The following WNT16 variants were observed in gnomAD, a reference collection of about 807,000 sequenced individuals.
WNT16 encodes the protein Wnt family member 16.
A neutral mutation model predicts 35.4 loss-of-function variants in WNT16; 20 were observed. That is an observed-to-expected ratio of 0.56 (90% CI 0.40 to 0.82). The LOEUF (loss-of-function observed/expected upper bound fraction) is 0.82, where lower values mean the gene tolerates loss of function less well. WNT16 is among the 40% of genes least tolerant of loss of function. WNT16 has a pLI of 0.00. For synonymous variants in WNT16, 180 were observed against 179.2 expected (o/e 1.00, Z -0.03); for missense variants, 461 against 466.0 (o/e 0.99, Z 0.10).
chr7:121,329,438 C>G (rs781634084), intron 1 of WNT16, 51 bp downstream of exon 1: 10 of 1,595,730 alleles, frequency 6.3e-6, no homozygotes, highest in Non-Finnish European at 8.6e-6. Flanking sequence ...AAAGGGGTGC[C>G]CAATCCTAGG....
In WNT16 at chr7:121,330,282, A is replaced by T. The variant is rs552804428; in HGVS notation, c.346+465A>T. ...CGAAGCCCCACCTTTATTGGCTCCT[A>T]GGAGCACCGAGTTGACAGAATAATG... is the stretch of plus-strand genomic sequence containing the variant. On this transcript the variant is annotated intron_variant, in intron 2 of 3. Transcript: ENST00000222462. Among the ~76,000 whole-genome samples, 7 of 152,304 alleles carry T rather than the reference A, an allele frequency of 4.6e-5. No individual in the cohort carries two copies. The East Asian group carries it at 1.3e-3, about 29-fold the overall frequency.
At chr7:121,337,792 G>T (rs1793465473) in intron 3 of WNT16, among the ~76,000 whole-genome samples, 1 of 152,130 alleles carries the variant, frequency 6.6e-6, no homozygotes, top group Admixed American at 6.5e-5. Context: ...CTTTTATTTA[G>T]ACCTTAGTGT....
Position 121,329,170 on chromosome 7 carries a change from T to C in WNT16, c.-123T>C, listed in dbSNP as rs1370969023. The C allele has an allele frequency of 1.4e-6, 2 of 1,427,366 alleles. No homozygotes were observed. The highest frequency in any genetic ancestry group is 1.8e-6 in the Non-Finnish European group (2 of 1,094,296). The allele number at this position is 1,427,366 out of a possible 1,614,324, so 88.4% of individuals were successfully genotyped here. ...TATCACTGCTGGCCTTTTAATGTTG[T>C]ATGCAAGGAGGAAGAGGGCGAGGGA... is the stretch of plus-strand genomic sequence containing the variant. On this transcript the variant is annotated 5_prime_UTR_variant, in exon 1 of 4. Coordinates refer to ENST00000222462, the MANE Select transcript of WNT16 (RefSeq NM_057168.2).
At chr7:121,336,465 A>T (rs138464256) in intron 3 of WNT16, among the ~76,000 whole-genome samples, 1 of 152,318 alleles carries the variant, frequency 6.6e-6, no homozygotes, top group Admixed American at 6.5e-5. Context: ...TATAATTTCA[A>T]TACAAATTCA....
At chr7:121,330,741 CAGAA>C (rs1464504781) in intron 2 of WNT16, among the ~76,000 whole-genome samples, 46 of 135,318 alleles carry the variant, frequency 3.4e-4, no homozygotes, top group African/African-American at 1.2e-3. Flanking sequence ...AAAAAAGAGA[CAGAA>C]AGAAAAAAAA....
intron 3 of WNT16, among the ~76,000 whole-genome samples, chr7:121,336,574 C>T (rs973016456): frequency 1.4e-4 from 21 of 152,204 alleles, no homozygotes; most frequent in African/African-American, 4.8e-4. Flanking sequence ...GTGGACGGGG[C>T]TAAAACTGAG....
Position 121,329,189 on chromosome 7 carries a change from C to A in WNT16, c.-104C>A. ...ATGTTGTATGCAAGGAGGAAGAGGG[C>A]GAGGGATAACTTGGTGCTGGACAAC... On this transcript the variant is annotated 5_prime_UTR_variant, in exon 1 of 4. Transcript: ENST00000222462. The A allele has an allele frequency of 3.5e-6, 5 of 1,437,432 alleles. No homozygotes were observed. Among genetic ancestry groups the A allele is most frequent in the Non-Finnish European group, 3.6e-6 (4 of 1,098,976 alleles). The allele number at this position is 1,437,432 out of a possible 1,614,324, so 89.0% of individuals were successfully genotyped here. A position where few individuals can be genotyped will look rare whatever the true frequency, so the allele number is the denominator to read the frequency against.
chr7:121,327,619 G>C (rs958053821), upstream of WNT16, among the ~76,000 whole-genome samples: 1 of 152,030 alleles, frequency 6.6e-6, no homozygotes, highest in Non-Finnish European at 1.5e-5. Context: ...AAAAGTGCTG[G>C]GATTACAGGT....
At chr7:121,333,905 A>G (rs1455484042) in intron 3 of WNT16, among the ~76,000 whole-genome samples, 2 of 151,942 alleles carry the variant, frequency 1.3e-5, no homozygotes, top group African/African-American at 4.8e-5. Flanking sequence ...AAAGCATTCT[A>G]AAATATATTT....
chr7:121,335,083 T>C (rs1273657653), intron 3 of WNT16, among the ~76,000 whole-genome samples: 1 of 152,114 alleles, frequency 6.6e-6, no homozygotes, highest in Non-Finnish European at 1.5e-5. Flanking sequence ...ACAGGAATCC[T>C]ACATACACCC....
At chr7:121,338,012 A>G (rs560950478) in intron 3 of WNT16, among the ~76,000 whole-genome samples, 9 of 152,306 alleles carry the variant, frequency 5.9e-5, no homozygotes, top group African/African-American at 1.9e-4. Context: ...GGGGGGAGCC[A>G]CCATACTGTA....
At chr7:121,330,165 T>C (rs1365853270) in intron 2 of WNT16, among the ~76,000 whole-genome samples, 1 of 152,196 alleles carries the variant, frequency 6.6e-6, no homozygotes, top group Non-Finnish European at 1.5e-5. Context: ...TGGAGAAACA[T>C]GATGTCGGCA....
In WNT16 at chr7:121,329,525, A is replaced by G. The variant is rs754530125; in HGVS notation, c.96-42A>G. The G allele has an allele frequency of 3.1e-6, 5 of 1,607,512 alleles. No individual in the cohort carries two copies. The African/African-American group carries it at 5.4e-5, about 17-fold the overall frequency. On this transcript the variant is annotated intron_variant, in intron 1 of 3. Coordinates refer to ENST00000222462, the MANE Select transcript of WNT16 (RefSeq NM_057168.2). ...CCTAATTTTTCGGAAAACATCTGGA[A>G]TTGGGGAGCGGCTTAACGCTACGGG...
At chr7:121,329,895 TA>T in intron 2 of WNT16, 78 bp downstream of exon 2, 1 of 1,547,736 alleles carries the variant, frequency 6.5e-7, no homozygotes. Context: ...ATAAAGTAAA[TA>T]GTGCTACGTG....
chr7:121,328,373 T>C (rs1360345367), upstream of WNT16, among the ~76,000 whole-genome samples: 3 of 152,008 alleles, frequency 2.0e-5, 1 homozygote, highest in South Asian at 4.2e-4. Context: ...ATAAGACAAA[T>C]AGGGAAAAGG....
chr7:121,327,411 C>T (rs560032527), upstream of WNT16, among the ~76,000 whole-genome samples: 107 of 135,252 alleles, frequency 7.9e-4, no homozygotes, highest in African/African-American at 1.9e-3. Flanking sequence ...AGTGCAGTGG[C>T]GCTATCTCAA....
intron 3 of WNT16, among the ~76,000 whole-genome samples, chr7:121,336,960 T>C (rs868269738): frequency 6.6e-6 from 1 of 152,234 alleles, no homozygotes; most frequent in Non-Finnish European, 1.5e-5. Flanking sequence ...TGGACAGTTA[T>C]GTTTTGTTAT....
chr7:121,333,423 G>A (rs1793385995), intron 3 of WNT16, among the ~76,000 whole-genome samples: 1 of 151,790 alleles, frequency 6.6e-6, no homozygotes, highest in South Asian at 2.1e-4. Context: ...TAGAAAGTAG[G>A]AATGTCAGTA....
Position 121,331,571 on chromosome 7 carries a change from G to T in WNT16, c.347-107G>T, listed in dbSNP as rs1222948784. The stretch of plus-strand genomic sequence containing the variant: ...GTACTCGTTAACGCATCCATTGTAA[G>T]CAACTGAAAAATTACTTGTCCAGTA... On this transcript the variant is annotated intron_variant, in intron 2 of 3. Transcript: ENST00000222462. 13 of 1,002,570 alleles carry T rather than the reference G, an allele frequency of 1.3e-5. No homozygotes were observed. In the East Asian group the frequency reaches 2.9e-4, roughly 22 times the overall value. 62.1% of individuals were successfully genotyped at this position (1,002,570 alleles called of 1,614,324 possible).
Sources: gnomAD v4.1 joint callset for allele counts (sites outside exome capture counted in the v4.1 genomes callset) on GRCh38, gnomAD v4.1.1 for gene constraint, MANE v1.5 for transcripts, NCBI Gene and HGNC (gene_info 2026-07-23, HGNC 2026-07-21) for gene names.